PEBP4: variants seen among roughly 807,000 people sequenced by gnomAD.
PEBP4 encodes phosphatidylethanolamine-binding protein 4.
A neutral mutation model predicts 23.9 loss-of-function variants in PEBP4; 22 were observed. That is an observed-to-expected ratio of 0.92 (90% CI 0.66 to 1.31). The LOEUF (loss-of-function observed/expected upper bound fraction) is 1.31, where lower values mean the gene tolerates loss of function less well. Ranked by LOEUF, PEBP4 falls within the 40% of genes most tolerant of loss-of-function variation. PEBP4 has a pLI of 0.00. For missense variants in PEBP4, 324 were observed against 281.7 expected (o/e 1.15, Z -1.07); for synonymous variants, 112 against 99.3 (o/e 1.13, Z -0.76).
intron 4 of PEBP4, among the ~76,000 whole-genome samples, chr8:22,765,322 T>G (rs1455185048): frequency 6.6e-6 from 1 of 152,234 alleles, no homozygotes; most frequent in East Asian, 1.9e-4. Flanking sequence ...TTTTGTATTT[T>G]TAGTAGAGAT....
chr8:22,835,462 GC>G (rs1807182391), intron 3 of PEBP4, among the ~76,000 whole-genome samples: 1 of 152,158 alleles, frequency 6.6e-6, no homozygotes, highest in African/African-American at 2.4e-5. Flanking sequence ...GAAATAAGCG[GC>G]CCGGGAACAC....
Position 22,935,392 on chromosome 8 carries a change from G to T in PEBP4, c.145-7672C>A, listed in dbSNP as rs564218451. Among the ~76,000 whole-genome samples, 7 of 152,290 alleles carry T rather than the reference G, an allele frequency of 4.6e-5. No individual in the cohort carries two copies. The South Asian group carries it at 1.5e-3, about 32-fold the overall frequency. The stretch of plus-strand genomic sequence containing the variant: ...AAAAATTAGCTGGGCATGGTGGCAG[G>T]CACCTGTAGTCCCATCCCAGCTACT... On this transcript the variant is annotated intron_variant, in intron 1 of 1. Coordinates refer to the PEBP4 transcript ENST00000522278.
intron 3 of PEBP4, among the ~76,000 whole-genome samples, chr8:22,863,119 C>T (rs117424379): frequency 0.011 from 1,612 of 152,170 alleles, 20 homozygotes; most frequent in Non-Finnish European, 0.018. Context: ...GGATTTAATA[C>T]TGGAAAGTTG....
At chr8:22,917,287 A>C (rs990090694) in intron 3 of PEBP4, among the ~76,000 whole-genome samples, 1 of 152,116 alleles carries the variant, frequency 6.6e-6, no homozygotes, top group African/African-American at 2.4e-5. Flanking sequence ...TCTCTGTCCT[A>C]AACACTCAGG....
intron 4 of PEBP4, among the ~76,000 whole-genome samples, chr8:22,742,883 G>A (rs1459158248): frequency 6.6e-6 from 1 of 152,196 alleles, no homozygotes; most frequent in African/African-American, 2.4e-5. Context: ...GTATGGGGCG[G>A]CTTGCAGTCT....
intron 3 of PEBP4, among the ~76,000 whole-genome samples, chr8:22,878,784 G>C (rs1014971412): frequency 6.6e-6 from 1 of 152,218 alleles, no homozygotes; most frequent in African/African-American, 2.4e-5. Flanking sequence ...CAAGCTGGAT[G>C]CCAAGGGGAA....
At chr8:22,916,374 C>T (rs1189979308) in intron 3 of PEBP4, among the ~76,000 whole-genome samples, 4 of 152,160 alleles carry the variant, frequency 2.6e-5, no homozygotes, top group African/African-American at 9.7e-5. Context: ...CTCTTACTTC[C>T]ACACCTCTCT....
upstream of PEBP4, among the ~76,000 whole-genome samples, chr8:22,929,077 T>C (rs1482686991): frequency 6.6e-6 from 1 of 152,190 alleles, no homozygotes; most frequent in Non-Finnish European, 1.5e-5. Context: ...CAGAGTCTAA[T>C]AGTAGCCTCC....
chr8:22,812,726 G>T (rs568292072), intron 4 of PEBP4, among the ~76,000 whole-genome samples: 3 of 152,238 alleles, frequency 2.0e-5, no homozygotes, highest in East Asian at 3.9e-4. Context: ...ATTATCATTA[G>T]TGTGGTTCTG....
chr8:22,719,646 A>G (rs1415572366), intron 6 of PEBP4, among the ~76,000 whole-genome samples: 2 of 152,246 alleles, frequency 1.3e-5, no homozygotes, highest in African/African-American at 2.4e-5. Context: ...CCTGGAAGTC[A>G]GAAGAAAGTC....
chr8:22,838,402 G>A (rs1807250922), intron 3 of PEBP4, among the ~76,000 whole-genome samples: 1 of 152,180 alleles, frequency 6.6e-6, no homozygotes, highest in Non-Finnish European at 1.5e-5. Context: ...AGAGCTGGAT[G>A]AGCCCGTTGG....
intron 3 of PEBP4, among the ~76,000 whole-genome samples, chr8:22,910,965 C>T (rs1055221503): frequency 1.3e-5 from 2 of 151,590 alleles, no homozygotes; most frequent in Non-Finnish European, 1.5e-5. Context: ...GATGTATCAG[C>T]GTAGGTTCGT....
chr8:22,928,862 G>A (rs186770878), upstream of PEBP4, among the ~76,000 whole-genome samples: 188 of 152,282 alleles, frequency 1.2e-3, 1 homozygote, highest in African/African-American at 3.7e-3. Flanking sequence ...TAAAGTACAC[G>A]CAGCTAGACC....
At chr8:22,893,420 T>A (rs1808533153) in intron 3 of PEBP4, among the ~76,000 whole-genome samples, 1 of 151,784 alleles carries the variant, frequency 6.6e-6, no homozygotes, top group South Asian at 2.1e-4. Flanking sequence ...TTACTAGACA[T>A]GTAAAGAAGC....
chr8:22,770,732 C>T (rs573321485), intron 4 of PEBP4, among the ~76,000 whole-genome samples: 34 of 152,332 alleles, frequency 2.2e-4, no homozygotes, highest in African/African-American at 8.2e-4. Context: ...CTTGATCAGC[C>T]CTGCTCCTCA....
At chr8:22,923,637 G>A (rs1479895240) in intron 2 of PEBP4, among the ~76,000 whole-genome samples, 1 of 152,140 alleles carries the variant, frequency 6.6e-6, no homozygotes, top group South Asian at 2.1e-4. Flanking sequence ...CTGCCCCTCA[G>A]TGAGTGCTAT....
chr8:22,723,199 G>C (rs1040886587), intron 6 of PEBP4, among the ~76,000 whole-genome samples: 1 of 152,066 alleles, frequency 6.6e-6, no homozygotes, highest in African/African-American at 2.4e-5. Flanking sequence ...CGCGTTTCAG[G>C]CCCAGCGCGT....
At chr8:22,759,769 C>A (rs375478239) in intron 4 of PEBP4, among the ~76,000 whole-genome samples, 2 of 152,298 alleles carry the variant, frequency 1.3e-5, no homozygotes, top group Admixed American at 1.3e-4. Flanking sequence ...TGCTCCCTTC[C>A]GCGTACCCGT....
chr8:22,776,864 G>T (rs535706558), intron 4 of PEBP4, among the ~76,000 whole-genome samples: 2 of 151,236 alleles, frequency 1.3e-5, no homozygotes, highest in South Asian at 4.3e-4. Flanking sequence ...AGCCTGCGGA[G>T]CTGGGAGGTG....
Sources: gnomAD v4.1 joint callset for allele counts (sites outside exome capture counted in the v4.1 genomes callset) on GRCh38, gnomAD v4.1.1 for gene constraint, MANE v1.5 for transcripts, NCBI Gene and HGNC (gene_info 2026-07-23, HGNC 2026-07-21) for gene names.